The following SOCS7 variants were observed in gnomAD, a reference collection of about 807,000 sequenced individuals.
The protein encoded by SOCS7 is suppressor of cytokine signaling 7, also known as NAP-4.
SOCS7 carries 18 observed loss-of-function variants against 58.9 expected under a neutral mutation model. The observed-to-expected ratio is 0.31, with a 90% CI of 0.21 to 0.45. The LOEUF is 0.45. Ranked by LOEUF, SOCS7 falls within the 20% of genes least tolerant of loss-of-function variation. The pLI is 1.00. For missense variants in SOCS7, 667 were observed against 837.3 expected (o/e 0.80, Z 2.51); for synonymous variants, 388 against 364.3 (o/e 1.06, Z -0.74).
chr17:38,357,103 A>G (rs908750695), intron 1 of SOCS7, among the ~76,000 whole-genome samples: 8 of 151,632 alleles, frequency 5.3e-5, no homozygotes, highest in East Asian at 1.9e-4. Context: ...TTTGGGGGGG[A>G]AAAAAACAAA....
At chr17:38,387,123 A>ATGTATG (rs1414262368) in intron 7 of SOCS7, among the ~76,000 whole-genome samples, 2 of 105,716 alleles carry the variant, frequency 1.9e-5, no homozygotes, top group African/African-American at 9.4e-5. Context: ...ATATATATAT[A>ATGTATG]TATATGTATG....
chr17:38,370,037 C>A (rs189848402), intron 6 of SOCS7, among the ~76,000 whole-genome samples: 1 of 152,208 alleles, frequency 6.6e-6, no homozygotes, highest in East Asian at 1.9e-4. Context: ...GTGATTCGCC[C>A]GCCTTGGTCT....
chr17:38,355,343 T>C (rs967691802), intron 1 of SOCS7, among the ~76,000 whole-genome samples: 2 of 152,202 alleles, frequency 1.3e-5, no homozygotes, highest in Non-Finnish European at 2.9e-5. Context: ...TTTTAGAAGA[T>C]AAGTAATAGG....
rs1286384265 is a variant in SOCS7 at position 38,352,825 on chromosome 17, C to A, written c.773C>A (p.Pro258His). ...CAGCAACCTCCCCCGCCCCCGCCTC[C>A]TCCCGGGCCCCTCCGGCCACTCGCG... ...QQQQPPPPPP[P>H]PGPLRPLAGP... is the part of the protein sequence containing the mutation. Residue 258 changes from proline to histidine, a missense_variant, in exon 1 of 10, where the codon CCT becomes CAT. Physicochemically the swap from Pro to His is moderately conservative, Grantham distance 77. This residue lies in a region of SOCS7 where 208 missense variants were observed against 190.3 expected (regional missense o/e 1.09). Transcript: ENST00000612932. The surrounding 1 kb of genome is among the most constrained non-coding windows in gnomAD (Gnocchi z 5.5). 5 of 1,564,190 alleles carry A rather than the reference C, an allele frequency of 3.2e-6. No individual in the cohort carries two copies. The South Asian group carries it at 5.9e-5, about 18-fold the overall frequency.
At chr17:38,368,109 C>T (rs1471166936) in intron 6 of SOCS7, 59 bp downstream of exon 6, 3 of 1,468,742 alleles carry the variant, frequency 2.0e-6, no homozygotes, top group African/African-American at 1.4e-5. Flanking sequence ...CCTTTGCTGT[C>T]TGACTTTTTT....
intron 6 of SOCS7, among the ~76,000 whole-genome samples, chr17:38,375,386 A>AT (rs774186705): frequency 6.6e-6 from 1 of 151,920 alleles, no homozygotes; most frequent in Non-Finnish European, 1.5e-5. Context: ...GAGGATGAAA[A>AT]CCTTTATGAA....
chr17:38,352,238 G>T lies in SOCS7; in HGVS notation c.186G>T (p.Pro62=). The change falls in exon 1 of 10, where the codon CCG becomes CCT. Residue 62 remains proline (P), a synonymous_variant. Coordinates refer to ENST00000612932, the MANE Select transcript of SOCS7 (RefSeq NM_014598.4). The surrounding 1 kb of genome is among the most constrained non-coding windows in gnomAD (Gnocchi z 5.5). ...CCGGCCCGCGGGGCTCCCGGCCGCCGCAGCTGATGGTGTTCCGCAACGTGG... is the reference window on the plus strand; with the variant it reads ...CCGGCCCGCGGGGCTCCCGGCCGCCTCAGCTGATGGTGTTCCGCAACGTGG... ...ARPGPRGSRP[P]QLMVFRNVGR... The T allele has an allele frequency of 7.1e-7, 1 of 1,399,560 alleles. No homozygotes were observed. The highest frequency in any genetic ancestry group is 9.2e-7 in the Non-Finnish European group (1 of 1,083,424). The allele number at this position is 1,399,560 out of a possible 1,614,324, so 86.7% of individuals were successfully genotyped here. A position where few individuals can be genotyped will look rare whatever the true frequency, so the allele number is the denominator to read the frequency against.
At chr17:38,356,466 C>T (rs1555566810) in intron 1 of SOCS7, among the ~76,000 whole-genome samples, 1 of 151,786 alleles carries the variant, frequency 6.6e-6, no homozygotes, top group Non-Finnish European at 1.5e-5. Flanking sequence ...CAACCTCCGC[C>T]TCCCAGGTTC....
At chr17:38,356,680 AAAAG>A (rs59457183) in intron 1 of SOCS7, among the ~76,000 whole-genome samples, 7,039 of 151,958 alleles carry the variant, frequency 0.046, 191 homozygotes, top group Middle Eastern at 0.2. Flanking sequence ...CATCTCTTTA[AAAAG>A]AAAGAAAGAA....
At chr17:38,358,407 T>A (rs2037668904) in intron 1 of SOCS7, among the ~76,000 whole-genome samples, 1 of 152,198 alleles carries the variant, frequency 6.6e-6, no homozygotes, top group South Asian at 2.1e-4. Context: ...AAAGGGGATA[T>A]ATAAAGTGTA....
intron 2 of SOCS7, 22 bp from the exon 3 acceptor site, chr17:38,364,730 G>T (rs749160154): frequency 1.2e-6 from 2 of 1,605,038 alleles, no homozygotes; most frequent in South Asian, 2.2e-5. Context: ...TCTGTAACTT[G>T]CTTGCTCCAT....
rs752535505 is a variant in SOCS7 at position 38,365,350 on chromosome 17, C to T, written c.1193C>T (p.Pro398Leu). The stretch of plus-strand genomic sequence containing the variant: ...CTGCCTACATCTGTCCTTGTGGCTC[C>T]GATGGGGTCTTCCTTGCAGTCTTTC... The part of the protein sequence containing the change: ...GTLPTSVLVA[P>L]MGSSLQSFPL... The change falls in exon 4 of 10, where the codon CCG becomes CTG. Residue 398 changes from proline to leucine, a missense_variant. Pro to Leu is a moderately conservative substitution (Grantham distance 98, BLOSUM62 -3). Coordinates refer to ENST00000612932, the MANE Select transcript of SOCS7 (RefSeq NM_014598.4). 3 of 1,612,856 alleles carry T rather than the reference C, an allele frequency of 1.9e-6. No homozygotes were observed. The highest frequency in any genetic ancestry group is 2.2e-5 in the South Asian group (2 of 90,824).
In SOCS7 at chr17:38,351,993, C is replaced by T. The variant is rs891445988; in HGVS notation, c.-60C>T. 4.6e-5 allele frequency among the ~76,000 whole-genome samples: 7 copies of T among 150,996 alleles called. No individual in the cohort carries two copies. Among genetic ancestry groups the T allele is most frequent in the African/African-American group, 1.7e-4 (7 of 41,294 alleles). On this transcript the variant is annotated 5_prime_UTR_variant, in exon 1 of 10. Coordinates refer to ENST00000612932, the MANE Select transcript of SOCS7 (RefSeq NM_014598.4). ...CGCGGCGGGCGGGGCTCCGGCGGGGCCCGGCCTAGTCCCCACCCCAGCCCG... is the reference window on the plus strand; with the variant it reads ...CGCGGCGGGCGGGGCTCCGGCGGGGTCCGGCCTAGTCCCCACCCCAGCCCG...
rs2038313971 is a variant in SOCS7 at position 38,401,190 on chromosome 17, G to A, written c.*1708G>A. 1 of 152,178 alleles carries A rather than the reference G, an allele frequency of 6.6e-6. No individual in the cohort carries two copies. Among genetic ancestry groups the A allele is most frequent in the Non-Finnish European group, 1.5e-5 (1 of 68,054 alleles). 9.4% of individuals were successfully genotyped at this position (152,178 alleles called of 1,614,324 possible). A position where few individuals can be genotyped will look rare whatever the true frequency, so the allele number is the denominator to read the frequency against. On this transcript the variant is annotated 3_prime_UTR_variant, in exon 10 of 10. Transcript: ENST00000612932. ...TTGCACCATTACCTGACTGTGGAAG[G>A]GTGGCCCACAAGATGAGCTGTGCAC...
At chr17:38,385,436 C>T (rs67170545) in intron 7 of SOCS7, among the ~76,000 whole-genome samples, 21,652 of 147,154 alleles carry the variant, frequency 0.15, 1,922 homozygotes, top group African/African-American at 0.26. Context: ...ATCTGAATTT[C>T]TTTTCTTTCT....
At chr17:38,398,509 A>G (rs540556163) in intron 9 of SOCS7, among the ~76,000 whole-genome samples, 2 of 152,272 alleles carry the variant, frequency 1.3e-5, no homozygotes, top group South Asian at 4.1e-4. Flanking sequence ...GGCCTCCCAA[A>G]GTTCTGGGAT....
intron 7 of SOCS7, among the ~76,000 whole-genome samples, chr17:38,395,105 G>T (rs535927745): frequency 4.6e-5 from 7 of 152,126 alleles, no homozygotes; most frequent in Non-Finnish European, 1.0e-4. Context: ...CTTTGGCAGA[G>T]AATGGATTTC....
chr17:38,395,734 G>A (rs903903493), intron 8 of SOCS7, 114 bp from the exon 9 acceptor site: 41 of 1,077,724 alleles, frequency 3.8e-5, no homozygotes, highest in Non-Finnish European at 5.1e-5. Context: ...AGAAAATGGG[G>A]ATTGTGTTAG....
chr17:38,405,262 G>C lies in SOCS7; in HGVS notation c.*5780G>C, dbSNP rs2038376611. The C allele has an allele frequency of 6.6e-6, 1 of 152,060 alleles. No individual in the cohort carries two copies. The highest frequency in any genetic ancestry group is 2.1e-4 in the South Asian group (1 of 4,814). The allele number at this position is 152,060 out of a possible 1,614,324, so 9.4% of individuals were successfully genotyped here. A position where few individuals can be genotyped will look rare whatever the true frequency, so the allele number is the denominator to read the frequency against. On this transcript the variant is annotated 3_prime_UTR_variant, in exon 10 of 10. Coordinates refer to ENST00000612932, the MANE Select transcript of SOCS7 (RefSeq NM_014598.4). ...GGATGGGGAAAGGGAAAGAGGTTTTGATATAAACAAAACAAATGCACTTTG... is the reference window on the plus strand; with the variant it reads ...GGATGGGGAAAGGGAAAGAGGTTTTCATATAAACAAAACAAATGCACTTTG...
Sources: gnomAD v4.1 joint callset for allele counts (sites outside exome capture counted in the v4.1 genomes callset) on GRCh38, gnomAD v4.1.1 for gene constraint, gnomAD v4.1.1 regional missense constraint, Gnocchi (gnomAD v3.1) non-coding constraint, MANE v1.5 for transcripts, NCBI Gene and HGNC (gene_info 2026-07-23, HGNC 2026-07-21) for gene names.